The following PPM1H variants were observed in gnomAD, a reference collection of about 807,000 sequenced individuals.
PPM1H encodes protein phosphatase, Mg2+/Mn2+ dependent 1H, also known as protein phosphatase 1H.
Under a neutral mutation model 54.9 loss-of-function variants are expected in PPM1H, and 27 were observed. That is an observed-to-expected ratio of 0.49 (90% confidence interval 0.36 to 0.68). PPM1H has a LOEUF of 0.68. Ranked by LOEUF, PPM1H falls within the 30% of genes least tolerant of loss-of-function variation. The probability of loss-of-function intolerance (pLI) is 0.00; values close to 1 mark genes in which losing one functional copy is unlikely to be tolerated. For synonymous variants in PPM1H, 305 were observed against 270.8 expected (o/e 1.13, Z -1.24); for missense variants, 596 against 667.8 (o/e 0.89, Z 1.19).
chr12:62,755,060 G>A (rs2076463639), intron 4 of PPM1H, among the ~76,000 whole-genome samples: 1 of 152,210 alleles, frequency 6.6e-6, no homozygotes, highest in Admixed American at 6.5e-5. Context: ...CCTGGATGAT[G>A]AGAGGCTCAA....
At position 62,646,944 on chromosome 12, in the gene PPM1H, G is replaced by C. The variant is rs773524435; in HGVS notation, c.*1545C>G. The C allele has an allele frequency of 1.4e-4, 21 of 152,214 alleles. No individual in the cohort carries two copies. The highest frequency in any genetic ancestry group is 2.1e-4 in the South Asian group (1 of 4,834). The allele number at this position is 152,214 out of a possible 1,614,324, so 9.4% of individuals were successfully genotyped here. ...CTGGAATTAGCTCTCTAGCATGCTG[G>C]GGGGGTCACGTCAGTGACCTTTTTT... is the stretch of plus-strand genomic sequence containing the variant. On this transcript the variant is annotated 3_prime_UTR_variant, in exon 10 of 10. Transcript: ENST00000228705.
At chr12:62,761,662 G>T (rs1330361305) in intron 4 of PPM1H, among the ~76,000 whole-genome samples, 2 of 152,152 alleles carry the variant, frequency 1.3e-5, no homozygotes, top group African/African-American at 4.8e-5. Context: ...AAAAAGGGAT[G>T]GAGAAGGGTA....
intron 4 of PPM1H, among the ~76,000 whole-genome samples, chr12:62,772,423 A>G (rs1053365003): frequency 2.0e-5 from 3 of 152,192 alleles, no homozygotes; most frequent in African/African-American, 7.2e-5. Flanking sequence ...CACTTTAGCT[A>G]TGGGTCTCCC....
chr12:62,803,848 T>A (rs2076787402), intron 2 of PPM1H, among the ~76,000 whole-genome samples: 1 of 152,176 alleles, frequency 6.6e-6, no homozygotes, highest in Non-Finnish European at 1.5e-5. Context: ...ACTCCTACAA[T>A]TCTATTGCAA....
At chr12:62,876,503 A>C (rs1412449446) in intron 1 of PPM1H, among the ~76,000 whole-genome samples, 1 of 152,250 alleles carries the variant, frequency 6.6e-6, no homozygotes, top group Non-Finnish European at 1.5e-5. Flanking sequence ...GCAAGTAATC[A>C]AGATGGTAAA....
rs1044577502 is a variant in PPM1H, at chr12:62,665,245, C to T, written c.1397+1933G>A. Among the ~76,000 whole-genome samples, 12 of 152,236 alleles carry T rather than the reference C, an allele frequency of 7.9e-5. No homozygotes were observed. In the South Asian group the frequency reaches 8.3e-4, roughly 11 times the overall value. On this transcript the variant is annotated intron_variant, in intron 9 of 9. Coordinates refer to ENST00000228705, the MANE Select transcript of PPM1H (RefSeq NM_020700.2). ...GTATTTTTAGTAGAGATGGGAGTTT[C>T]GCCATGTTGGCTAGGCTGGTCTTGA...
chr12:62,650,768 C>T (rs889908092), intron 9 of PPM1H, among the ~76,000 whole-genome samples: 11 of 152,034 alleles, frequency 7.2e-5, no homozygotes, highest in Non-Finnish European at 1.2e-4. Context: ...CATCAGATCT[C>T]GTAAGAACTC....
chr12:62,920,761 G>A (rs919439044), intron 1 of PPM1H, among the ~76,000 whole-genome samples: 2 of 151,792 alleles, frequency 1.3e-5, no homozygotes, highest in Non-Finnish European at 2.9e-5. Flanking sequence ...GCTTCCTACT[G>A]AACATTTACA....
intron 8 of PPM1H, among the ~76,000 whole-genome samples, chr12:62,673,711 C>A (rs976668872): frequency 2.9e-5 from 2 of 69,664 alleles, no homozygotes; most frequent in Non-Finnish European, 6.6e-5. Context: ...TGAGAAGAGC[C>A]ACTCTTTTTT....
intron 1 of PPM1H, among the ~76,000 whole-genome samples, chr12:62,888,358 AG>A (rs940144038): frequency 6.6e-6 from 1 of 152,172 alleles, no homozygotes; most frequent in African/African-American, 2.4e-5. Context: ...GTTTCAGTCA[AG>A]GGTCTGGAAC....
Position 62,647,639 on chromosome 12 carries a change from C to T in PPM1H, c.*850G>A, listed in dbSNP as rs776886846. ...AAGACCACTGAAGACAACAGAGGAA[C>T]TACTGGTCCACAGAAACACTCAGTT... On this transcript the variant is annotated 3_prime_UTR_variant, in exon 10 of 10. Transcript: ENST00000228705. The T allele has an allele frequency of 2.6e-5, 4 of 152,224 alleles. No homozygotes were observed. Among genetic ancestry groups the T allele is most frequent in the East Asian group, 1.9e-4 (1 of 5,186 alleles). The allele number at this position is 152,224 out of a possible 1,614,324, so 9.4% of individuals were successfully genotyped here. A position where few individuals can be genotyped will look rare whatever the true frequency, so the allele number is the denominator to read the frequency against.
intron 1 of PPM1H, among the ~76,000 whole-genome samples, chr12:62,832,784 C>A (rs374005598): frequency 5.9e-5 from 9 of 152,260 alleles, no homozygotes; most frequent in Admixed American, 2.0e-4. Flanking sequence ...CCATACCCCC[C>A]CATTTTTGCT....
chr12:62,850,454 A>G (rs1003714749), intron 1 of PPM1H, among the ~76,000 whole-genome samples: 1 of 151,900 alleles, frequency 6.6e-6, no homozygotes, highest in Admixed American at 6.6e-5. Context: ...ACTTAACTGC[A>G]TAGCAAATTG....
At chr12:62,905,959 T>C (rs1463392918) in intron 1 of PPM1H, among the ~76,000 whole-genome samples, 6 of 152,178 alleles carry the variant, frequency 3.9e-5, no homozygotes, top group Non-Finnish European at 8.8e-5. Context: ...GAAAACATTC[T>C]GGGAGAAGCA....
At chr12:62,870,854 C>T (rs1157207044) in intron 1 of PPM1H, among the ~76,000 whole-genome samples, 1 of 152,036 alleles carries the variant, frequency 6.6e-6, no homozygotes, top group Non-Finnish European at 1.5e-5. Flanking sequence ...ATATCAAAAC[C>T]ACAATGAAAT....
Position 62,908,217 on chromosome 12 carries a change from C to A in PPM1H, c.245+26275G>T, listed in dbSNP as rs190426782. On this transcript the variant is annotated intron_variant, in intron 1 of 9. Transcript: ENST00000228705. ...ATCACCTGAGGCCAGGAGTTCGAGACCAGCCATGGTGAAACCCCATCTCTA... is the reference window on the plus strand; with the variant it reads ...ATCACCTGAGGCCAGGAGTTCGAGAACAGCCATGGTGAAACCCCATCTCTA... Among the ~76,000 whole-genome samples, 57 of 152,036 alleles carry A rather than the reference C, an allele frequency of 3.7e-4. 1 individual carries two copies. The East Asian group carries it at 9.3e-3, about 25-fold the overall frequency.
Position 62,648,466 on chromosome 12 carries a change from C to G in PPM1H, c.*23G>C, listed in dbSNP as rs1314171224. On this transcript the variant is annotated 3_prime_UTR_variant, in exon 10 of 10. Transcript: ENST00000228705. ...GCATCCCAGCTTTCTTCCCCTCTGT[C>G]CTCCCAATCCCCTGGGCCATTTTCA... The G allele has an allele frequency of 6.2e-7, 1 of 1,612,726 alleles. No homozygotes were observed. Among genetic ancestry groups the G allele is most frequent in the Non-Finnish European group, 8.5e-7 (1 of 1,179,072 alleles).
intron 4 of PPM1H, among the ~76,000 whole-genome samples, chr12:62,776,131 G>A (rs2076609643): frequency 6.6e-6 from 1 of 152,024 alleles, no homozygotes; most frequent in Non-Finnish European, 1.5e-5. Context: ...CTCCCACCTG[G>A]TCCCCTCCCA....
intron 1 of PPM1H, among the ~76,000 whole-genome samples, chr12:62,862,466 A>C (rs1323467635): frequency 6.6e-6 from 1 of 152,254 alleles, no homozygotes; most frequent in Non-Finnish European, 1.5e-5. Context: ...CAAGGCTTTC[A>C]GATGCATGAA....
Sources: gnomAD v4.1 joint callset for allele counts (sites outside exome capture counted in the v4.1 genomes callset) on GRCh38, gnomAD v4.1.1 for gene constraint, MANE v1.5 for transcripts, NCBI Gene and HGNC (gene_info 2026-07-23, HGNC 2026-07-21) for gene names.